Variants in PALLD observed in about 807,000 individuals in gnomAD.
PALLD encodes palladin.
Under a neutral mutation model 123.5 loss-of-function variants are expected in PALLD, and 61 were observed. That is an observed-to-expected ratio of 0.49 (90% CI 0.40 to 0.61). The LOEUF (loss-of-function observed/expected upper bound fraction) is 0.61. PALLD is among the 20% of genes least tolerant of loss of function. The pLI, the probability that PALLD is intolerant of heterozygous loss-of-function variation, is 0.00. For missense variants in PALLD, 1,273 were observed against 1,377.0 expected (o/e 0.92, Z 1.20); for synonymous variants, 465 against 496.4 (o/e 0.94, Z 0.84).
chr4:168,683,239 A>G (rs746219210), intron 5 of PALLD, 136 bp downstream of exon 5: 5 of 574,002 alleles, frequency 8.7e-6, no homozygotes, highest in Non-Finnish European at 1.6e-5. Context: ...TTCAGAGCAA[A>G]GAAAATTGTA....
intron 10 of PALLD, among the ~76,000 whole-genome samples, chr4:168,812,282 C>T (rs115746048): frequency 0.022 from 3,284 of 152,224 alleles, 128 homozygotes; most frequent in African/African-American, 0.073. Context: ...CTTAGAAATA[C>T]GGCAGTACAG....
At chr4:168,789,774 G>A (rs539854106) in intron 10 of PALLD, among the ~76,000 whole-genome samples, 1 of 151,402 alleles carries the variant, frequency 6.6e-6, no homozygotes, top group South Asian at 2.1e-4. Context: ...TTTCATTTCA[G>A]GTTTAAAGTA....
At chr4:168,837,640 G>A (rs147970442) in intron 10 of PALLD, among the ~76,000 whole-genome samples, 16 of 152,296 alleles carry the variant, frequency 1.1e-4, no homozygotes, top group Middle Eastern at 3.4e-3. Context: ...ACAATCCCAC[G>A]TAGTGAGTAC....
At chr4:168,659,563 C>T (rs1778932501) in intron 2 of PALLD, among the ~76,000 whole-genome samples, 1 of 152,084 alleles carries the variant, frequency 6.6e-6, no homozygotes, top group Non-Finnish European at 1.5e-5. Context: ...CCTTGTTTCC[C>T]CTTGAGCATA....
At chr4:168,557,489 C>T (rs1767440637) in intron 2 of PALLD, among the ~76,000 whole-genome samples, 1 of 152,226 alleles carries the variant, frequency 6.6e-6, no homozygotes, top group Admixed American at 6.5e-5. Context: ...TTTGAAACTA[C>T]AGCCATTAAA....
rs140445919 is a variant in PALLD at position 168,498,399 on chromosome 4, G to A, written c.-83+1205G>A. Among the ~76,000 whole-genome samples the A allele has an allele frequency of 1.1e-3, 173 of 152,258 alleles. 1 individual carries two copies. Among genetic ancestry groups the A allele is most frequent in the Admixed American group, 2.4e-3 (37 of 15,288 alleles). On this transcript the variant is annotated intron_variant, in intron 1 of 21. Transcript: ENST00000505667. Reference sequence around the variant, plus strand: ...TATAGCATATTTCACAATAGAATGAGGATCTGGATTGCACTGGACAAGTAC... The same window carrying A: ...TATAGCATATTTCACAATAGAATGAAGATCTGGATTGCACTGGACAAGTAC...
chr4:168,645,247 T>C (rs538235266), intron 2 of PALLD, among the ~76,000 whole-genome samples: 16 of 152,272 alleles, frequency 1.1e-4, no homozygotes, highest in South Asian at 6.2e-4. Flanking sequence ...CTAAATGTTG[T>C]TGTAAAGATT....
At chr4:168,895,811 A>G (rs554341951) in intron 12 of PALLD, among the ~76,000 whole-genome samples, 39 of 152,332 alleles carry the variant, frequency 2.6e-4, no homozygotes, top group Admixed American at 5.9e-4. Flanking sequence ...AAAATAGAAA[A>G]TATTATCTCT....
rs187468875 is a variant in PALLD, at chr4:168,576,625, C to T, written c.908+64213C>T. On this transcript the variant is annotated intron_variant, in intron 2 of 21. Coordinates refer to ENST00000505667, the MANE Select transcript of PALLD (RefSeq NM_001166108.2). The stretch of plus-strand genomic sequence containing the variant: ...GTATATGTGCCACATTTTCTTAATC[C>T]AGTCTATCATTGTTGGACATTTGGG... Among the ~76,000 whole-genome samples, 301 of 152,214 alleles carry T rather than the reference C, an allele frequency of 2.0e-3. 2 individuals are homozygous for T. Among genetic ancestry groups the T allele is most frequent in the African/African-American group, 6.8e-3 (282 of 41,536 alleles).
chr4:168,727,362 T>C (rs1394855023), intron 10 of PALLD, among the ~76,000 whole-genome samples: 4 of 152,172 alleles, frequency 2.6e-5, no homozygotes, highest in Non-Finnish European at 4.4e-5. Flanking sequence ...AAGCATTCCC[T>C]TTTTTCCATA....
chr4:168,920,477 G>C (rs918499471), intron 17 of PALLD, among the ~76,000 whole-genome samples: 1 of 152,124 alleles, frequency 6.6e-6, no homozygotes, highest in Non-Finnish European at 1.5e-5. Context: ...ACATCTTTTT[G>C]TATATAACTT....
chr4:168,864,211 ATCT>A (rs1749925240), intron 10 of PALLD, among the ~76,000 whole-genome samples: 1 of 152,258 alleles, frequency 6.6e-6, no homozygotes, highest in Non-Finnish European at 1.5e-5. Context: ...GCAATGGTTC[ATCT>A]TCTCTCTTCA....
rs77652936 is a variant in PALLD, at chr4:168,796,863, C to T, written c.1964+84940C>T. ...ATTTTACCTTCCTTGTCTCCTAATT[C>T]GAGGTCATGTGAAGCTTAGCTAGAA... On this transcript the variant is annotated intron_variant, in intron 10 of 21. Coordinates refer to ENST00000505667, the MANE Select transcript of PALLD (RefSeq NM_001166108.2). Among the ~76,000 whole-genome samples, 35 of 152,186 alleles carry T rather than the reference C, an allele frequency of 2.3e-4. No individual in the cohort carries two copies. In the East Asian group the frequency reaches 6.4e-3, roughly 28 times the overall value.
At chr4:168,597,381 T>C (rs1772100612) in intron 2 of PALLD, among the ~76,000 whole-genome samples, 1 of 152,170 alleles carries the variant, frequency 6.6e-6, no homozygotes, top group Non-Finnish European at 1.5e-5. Flanking sequence ...AGAAAAAGAA[T>C]ACAATATTAA....
intron 2 of PALLD, among the ~76,000 whole-genome samples, chr4:168,569,205 C>T (rs140540438): frequency 6.6e-6 from 1 of 152,208 alleles, no homozygotes; most frequent in East Asian, 1.9e-4. Context: ...GGTTCAGGCT[C>T]ATTAGTGAAG....
chr4:168,884,366 T>C (rs1369301761), intron 10 of PALLD, among the ~76,000 whole-genome samples: 1 of 152,200 alleles, frequency 6.6e-6, no homozygotes, highest in Non-Finnish European at 1.5e-5. Context: ...ACAGTGCCCA[T>C]CCGTTGGCCC....
intron 2 of PALLD, among the ~76,000 whole-genome samples, chr4:168,642,561 C>G (rs1434837407): frequency 2.0e-5 from 3 of 152,120 alleles, no homozygotes; most frequent in South Asian, 4.2e-4. Context: ...GCCACCACGC[C>G]CAGCTAATTT....
chr4:168,821,984 G>A (rs1010199488), intron 10 of PALLD, among the ~76,000 whole-genome samples: 3 of 151,500 alleles, frequency 2.0e-5, no homozygotes, highest in African/African-American at 7.3e-5. Context: ...CCCATTTGAA[G>A]AGTTGCTGAA....
intron 2 of PALLD, among the ~76,000 whole-genome samples, chr4:168,592,525 G>T (rs1441745778): frequency 6.6e-6 from 1 of 152,046 alleles, no homozygotes; most frequent in Non-Finnish European, 1.5e-5. Flanking sequence ...GCTAAAATGT[G>T]CCTCAAAATA....
Sources: gnomAD v4.1 joint callset for allele counts (sites outside exome capture counted in the v4.1 genomes callset) on GRCh38, gnomAD v4.1.1 for gene constraint, MANE v1.5 for transcripts, NCBI Gene and HGNC (gene_info 2026-07-23, HGNC 2026-07-21) for gene names.